MAPK15: variants seen among roughly 807,000 people sequenced by gnomAD.
MAPK15 encodes the protein ERK-7.
In MAPK15, 61 loss-of-function variants were observed where a neutral mutation model predicts 60.8. The ratio of observed to expected loss-of-function variants is 1.00; its 90% CI spans 0.82 to 1.24. MAPK15 has a LOEUF of 1.24. Ranked by LOEUF, MAPK15 falls within the 50% of genes most tolerant of loss-of-function variation. The pLI, the probability that MAPK15 is intolerant of heterozygous loss-of-function variation, is 0.00. For missense variants in MAPK15, 808 were observed against 741.1 expected (o/e 1.09, Z -1.05); for synonymous variants, 356 against 319.9 (o/e 1.11, Z -1.21).
chr8:143,716,868 G>T (rs1390301675), intron 1 of MAPK15, among the ~76,000 whole-genome samples: 1 of 152,184 alleles, frequency 6.6e-6, no homozygotes, highest in African/African-American at 2.4e-5. Context: ...TGGGGTGGGC[G>T]CAGAGTGAAG....
At chr8:143,718,463 G>A in intron 4 of MAPK15, 161 bp downstream of exon 4, 2 of 721,712 alleles carry the variant, frequency 2.8e-6, no homozygotes, top group Non-Finnish European at 4.8e-6. Context: ...CAGCTGACTA[G>A]TGTCAGCCTC....
Position 143,721,667 on chromosome 8 carries a change from C to G in MAPK15, c.1323C>G (p.Leu441=), listed in dbSNP as rs191693851. Residue 441 remains leucine, a synonymous_variant, in exon 12 of 14, where the codon CTC becomes CTG. Transcript: ENST00000338033. ...PGAKEAPPLT[L]SLVKPSGRGA... ...CGAAGGAAGCGCCCCCCTTGACACT[C>G]TCGCTGGTAAGTCATGGTGGGGCGG... 1.2e-6 allele frequency: 2 copies of G among 1,608,642 alleles called. No homozygotes were observed. Among genetic ancestry groups the G allele is most frequent in the Non-Finnish European group, 8.5e-7 (1 of 1,176,886 alleles).
At position 143,722,059 on chromosome 8, in the gene MAPK15, C is replaced by T. The variant is rs782061835; in HGVS notation, c.1459-16C>T. 6.2e-7 allele frequency: 1 copy of T among 1,610,872 alleles called. No individual in the cohort carries two copies. The highest frequency in any genetic ancestry group is 1.1e-5 in the South Asian group (1 of 90,872). Reference sequence around the variant, plus strand: ...CCCTCTGATGGCCCCTTTATGTGACCCTCAACTGTACACAGGTCCCTCCCC... The same window carrying T: ...CCCTCTGATGGCCCCTTTATGTGACTCTCAACTGTACACAGGTCCCTCCCC... On this transcript the variant is annotated splice_polypyrimidine_tract_variant and intron_variant, in intron 13 of 13. Transcript: ENST00000338033.
chr8:143,719,181 C>T, intron 6 of MAPK15, 25 bp downstream of exon 6: 4 of 1,513,910 alleles, frequency 2.6e-6, no homozygotes, highest in Non-Finnish European at 3.6e-6. Flanking sequence ...TCCCCAACCC[C>T]CCCTCCACCT....
rs532189248 is a variant in MAPK15, at chr8:143,718,130, C to G, written c.195+54C>G. The G allele has an allele frequency of 1.0e-4, 166 of 1,613,700 alleles. No individual in the cohort carries two copies. In the East Asian group the frequency reaches 2.7e-3, roughly 26 times the overall value. On this transcript the variant is annotated intron_variant, in intron 3 of 13. Transcript: ENST00000338033. ...CCCCTTGCCCAGGTACAGATCTCTC[C>G]AGACAGGAGAGAAACTGGCCTTCTT...
Position 143,717,792 on chromosome 8 carries a change from GGTGA to G in MAPK15, c.165+4_165+7del, listed in dbSNP as rs782038198. The G allele has an allele frequency of 3.7e-6, 6 of 1,609,496 alleles. No homozygotes were observed. In the Middle Eastern group the frequency reaches 5.0e-4, roughly 133 times the overall value. On this transcript the variant is annotated splice_donor_variant and splice_donor_region_variant and intron_variant, in intron 2 of 13. Transcript: ENST00000338033. LOFTEE classifies it high-confidence loss of function. Reference sequence around the variant, plus strand: ...CTTTTAGGGATAAGACAGATGCCCAGGTGAGTGTGTGGGGAGAAGCGTGGGAGAG... The same window carrying G: ...CTTTTAGGGATAAGACAGATGCCCAGGTGTGTGGGGAGAAGCGTGGGAGAG...
At chr8:143,718,727 G>GGGCCCCCCCCCC in intron 4 of MAPK15, 48 bp from the exon 5 acceptor site, 3 of 514,498 alleles carry the variant, frequency 5.8e-6, no homozygotes, top group Non-Finnish European at 9.5e-6. Context: ...CCCCCAGGTT[G>GGGCCCCCCCCCC]CCCCCCCAGC....
chr8:143,718,659 G>C (rs1302303859), intron 4 of MAPK15, 116 bp from the exon 5 acceptor site: 2 of 939,088 alleles, frequency 2.1e-6, no homozygotes, highest in Admixed American at 4.9e-5. Flanking sequence ...GAGCGGGGCG[G>C]CCAGGCCGTG....
At position 143,720,728 on chromosome 8, in the gene MAPK15, C is replaced by G; in HGVS notation, c.805C>G (p.Leu269Val). The change falls in exon 9 of 14, where the codon CTA (leucine) becomes GTA (valine). Residue 269 changes from leucine to valine, a missense_variant. Physicochemically the swap from Leu to Val is conservative, Grantham distance 32. Coordinates refer to ENST00000338033, the MANE Select transcript of MAPK15 (RefSeq NM_139021.3). The surrounding 1 kb of genome is among the most constrained non-coding windows in gnomAD (Gnocchi z 4.6). ...SRPRQTLDAL[L>V]PPDTSPEALD... The stretch of plus-strand genomic sequence containing the variant: ...GCCACGACAGACGCTGGATGCCCTC[C>G]TACCGCCAGACACCTCCCCAGAGGC... 6.2e-7 allele frequency: 1 copy of G among 1,612,926 alleles called. No individual in the cohort carries two copies. The highest frequency in any genetic ancestry group is 1.7e-4 in the Middle Eastern group (1 of 6,058).
At chr8:143,719,594 A>G in intron 7 of MAPK15, 112 bp downstream of exon 7, 1 of 1,390,172 alleles carries the variant, frequency 7.2e-7, no homozygotes, top group Non-Finnish European at 9.5e-7. Context: ...GGACGGGGAC[A>G]GGGAGGATCC....
In MAPK15 at chr8:143,721,632, C is replaced by G. The variant is rs782603320; in HGVS notation, c.1288C>G (p.Pro430Ala). 6.2e-7 allele frequency: 1 copy of G among 1,610,232 alleles called. No individual in the cohort carries two copies. The highest frequency in any genetic ancestry group is 8.5e-7 in the Non-Finnish European group (1 of 1,177,984). ...TGCTCTCCTAGGGAATGGGGAAAGG[C>G]CCCCTGGGGCGAAGGAAGCGCCCCC... ...QTALLGNGERPPGAKEAPPLT... is the reference protein window; with the variant it reads ...QTALLGNGERAPGAKEAPPLT... The change falls in exon 12 of 14, where the codon CCC (proline) becomes GCC (alanine). Residue 430 changes from proline (P) to alanine (A), a missense_variant. By Grantham distance (27) the Pro-to-Ala change is conservative. Coordinates refer to ENST00000338033, the MANE Select transcript of MAPK15 (RefSeq NM_139021.3).
chr8:143,720,739 C>T lies in MAPK15; in HGVS notation c.816C>T (p.Asp272=), dbSNP rs1818022016. 3 of 1,613,416 alleles carry T rather than the reference C, an allele frequency of 1.9e-6. No individual in the cohort carries two copies. The highest frequency in any genetic ancestry group is 1.3e-5 in the African/African-American group (1 of 75,014). The stretch of plus-strand genomic sequence containing the variant: ...CGCTGGATGCCCTCCTACCGCCAGA[C>T]ACCTCCCCAGAGGCCTTGGACCTCC... ...RQTLDALLPP[D]TSPEALDLLR... The change falls in exon 9 of 14, where the codon GAC becomes GAT. Residue 272 remains aspartate (D), a synonymous_variant. Coordinates refer to ENST00000338033, the MANE Select transcript of MAPK15 (RefSeq NM_139021.3). This position sits in a 1 kb window ranked among gnomAD's most constrained non-coding sequence, Gnocchi z 4.6.
intron 1 of MAPK15, among the ~76,000 whole-genome samples, chr8:143,716,957 C>T (rs1190390345): frequency 6.7e-6 from 1 of 149,942 alleles, no homozygotes; most frequent in African/African-American, 2.5e-5. Context: ...GGGGGGTGTT[C>T]GAGGGTGCCA....
rs1818063816 is a variant in MAPK15 at position 143,721,478 on chromosome 8, T to C, written c.1204+67T>C. 9 of 1,611,836 alleles carry C rather than the reference T, an allele frequency of 5.6e-6. No homozygotes were observed. In the East Asian group the frequency reaches 1.1e-4, roughly 20 times the overall value. On this transcript the variant is annotated intron_variant, in intron 11 of 13. Transcript: ENST00000338033. ...GGCCCCTTCTGCCTGTGCTGCCAAC[T>C]ATGCGCAGCATTCGGTTCCTGACCC...
rs1159846899 is a variant in MAPK15, at chr8:143,720,495, A to G, written c.779+208A>G. 25 of 1,450,620 alleles carry G rather than the reference A, an allele frequency of 1.7e-5. No homozygotes were observed. The highest frequency in any genetic ancestry group is 2.3e-5 in the Non-Finnish European group (25 of 1,098,906). 89.9% of individuals were successfully genotyped at this position (1,450,620 alleles called of 1,614,324 possible). Reference sequence around the variant, plus strand: ...GAGGGTGGCCCAGAGGAGCTGTGCCAGGGCGTGGAGAGGAGGGCACCAGGG... The same window carrying G: ...GAGGGTGGCCCAGAGGAGCTGTGCCGGGGCGTGGAGAGGAGGGCACCAGGG... On this transcript the variant is annotated intron_variant, in intron 8 of 13. Coordinates refer to ENST00000338033, the MANE Select transcript of MAPK15 (RefSeq NM_139021.3). The surrounding 1 kb of genome is among the most constrained non-coding windows in gnomAD (Gnocchi z 4.6).
rs781937347 is a variant in MAPK15 at position 143,721,664 on chromosome 8, ACT to A, written c.1324_1325del (p.Ser442AlafsTer30). The A allele has an allele frequency of 3.9e-5, 62 of 1,606,810 alleles. No individual in the cohort carries two copies. The highest frequency in any genetic ancestry group is 1.3e-4 in the South Asian group (12 of 90,462). ...GGGCGAAGGAAGCGCCCCCCTTGACACTCTCGCTGGTAAGTCATGGTGGGGCG... is the reference window on the plus strand; with the variant it reads ...GGGCGAAGGAAGCGCCCCCCTTGACACTCGCTGGTAAGTCATGGTGGGGCG... ...PGAKEAPPLTLSLVKPSGRGA... is the reference protein window; with the variant it reads ...PGAKEAPPLTXSLVKPSGRGA... On this transcript the variant is annotated frameshift_variant, in exon 12 of 14. Coordinates refer to ENST00000338033, the MANE Select transcript of MAPK15 (RefSeq NM_139021.3). LOFTEE classifies it high-confidence loss of function.
intron 4 of MAPK15, 55 bp downstream of exon 4, chr8:143,718,357 GTCTGCGGGTCCC>G (rs1343249863): frequency 7.2e-6 from 11 of 1,522,674 alleles, no homozygotes; most frequent in Admixed American, 1.7e-5. Flanking sequence ...TCCTGACGCC[GTCTGCGGGTCCC>G]TCTGCGTGTC....
chr8:143,718,066 C>G lies in MAPK15; in HGVS notation c.185C>G (p.Thr62Arg). 1 of 1,614,152 alleles carries G rather than the reference C, an allele frequency of 6.2e-7. No homozygotes were observed. Among genetic ancestry groups the G allele is most frequent in the Non-Finnish European group, 8.5e-7 (1 of 1,180,014 alleles). The stretch of plus-strand genomic sequence containing the variant: ...CTTCAGAGAACATTCCGGGAAATCA[C>G]GCTCCTCCAGGTGAGTGGCCTGGGC... ...TDAQRTFREI[T>R]LLQEFGDHPN... The change falls in exon 3 of 14, where the codon ACG becomes AGG. Residue 62 changes from threonine to arginine, a missense_variant. Thr to Arg is a moderately conservative substitution (Grantham distance 71). Transcript: ENST00000338033.
At chr8:143,717,646 G>A (rs1817861104) in intron 1 of MAPK15, 48 bp from the exon 2 acceptor site, 1 of 1,484,378 alleles carries the variant, frequency 6.7e-7, no homozygotes, top group Non-Finnish European at 9.2e-7. Flanking sequence ...TGGGTGGGCA[G>A]GGGATGGGGG....
Sources: gnomAD v4.1 joint callset for allele counts (sites outside exome capture counted in the v4.1 genomes callset) on GRCh38, gnomAD v4.1.1 for gene constraint, Gnocchi (gnomAD v3.1) non-coding constraint, MANE v1.5 for transcripts, NCBI Gene and HGNC (gene_info 2026-07-23, HGNC 2026-07-21) for gene names.